Variants in SASH1 observed in about 807,000 individuals in gnomAD.
SASH1 encodes the protein SAM and SH3 domain containing 1.
SASH1 carries 44 observed loss-of-function variants against 125.2 expected under a neutral mutation model. The ratio of observed to expected loss-of-function variants is 0.35; its 90% CI spans 0.28 to 0.45. The LOEUF (loss-of-function observed/expected upper bound fraction) is 0.45. SASH1 is among the 20% of genes least tolerant of loss of function. SASH1 has a pLI of 1.00. For missense variants in SASH1, 1,426 were observed against 1,614.5 expected, an observed-to-expected ratio of 0.88 and a Z score of 2.00; for synonymous variants, 639 against 649.1, an observed-to-expected ratio of 0.98 and a Z score of 0.24.
At chr6:148,539,385 C>G (rs1782079296) in intron 16 of SASH1, among the ~76,000 whole-genome samples, 1 of 151,974 alleles carries the variant, frequency 6.6e-6, no homozygotes, top group Admixed American at 6.6e-5. Flanking sequence ...TCTCTGAAGT[C>G]CATTATATCA....
chr6:148,534,015 C>T (rs745565010), intron 15 of SASH1, 35 bp downstream of exon 15: 2 of 1,590,162 alleles, frequency 1.3e-6, no homozygotes, highest in Non-Finnish European at 1.7e-6. Flanking sequence ...CACGCTACTA[C>T]CTCACTGCCT....
chr6:148,466,818 A>G (rs774801681), intron 4 of SASH1, among the ~76,000 whole-genome samples: 1 of 151,886 alleles, frequency 6.6e-6, no homozygotes, highest in Non-Finnish European at 1.5e-5. Context: ...CCTTTGCTCT[A>G]ATTTTTTCAG....
chr6:148,546,920 C>T lies in SASH1; in HGVS notation c.3480+774C>T, dbSNP rs117698474. On this transcript the variant is annotated intron_variant, in intron 19 of 19. Coordinates refer to ENST00000367467, the MANE Select transcript of SASH1 (RefSeq NM_015278.5). ...AAATTGATATCATCAATACAGTAGT[C>T]TCCCCCTATCCATGAGGGATTATGG... is the stretch of plus-strand genomic sequence containing the variant. 5.9e-3 allele frequency among the ~76,000 whole-genome samples: 904 copies of T among 152,060 alleles called. 9 individuals carry two copies. The highest frequency in any genetic ancestry group is 0.014 in the Middle Eastern group (4 of 294).
intron 1 of SASH1, among the ~76,000 whole-genome samples, chr6:148,369,025 G>A (rs1465630412): frequency 1.3e-5 from 2 of 152,210 alleles, no homozygotes; most frequent in Non-Finnish European, 2.9e-5. Context: ...TGCCTGCCTT[G>A]TGCAACATTG....
At chr6:148,387,648 CTTTCTTTCTTTCTTTCTTTCTTTCTTTCT>C (rs1562371495) in intron 1 of SASH1, among the ~76,000 whole-genome samples, 6 of 46,986 alleles carry the variant, frequency 1.3e-4, no homozygotes, top group African/African-American at 4.7e-4. Flanking sequence ...TTCTTTCTTT[CTTTCTTTCTTTCTTTCTTTCTTTCTTTCT>C]TTCTTTCTTT....
intron 2 of SASH1, among the ~76,000 whole-genome samples, chr6:148,431,031 C>T (rs1184317950): frequency 6.6e-6 from 1 of 152,174 alleles, no homozygotes; most frequent in Non-Finnish European, 1.5e-5. Context: ...CTCCAGTCTC[C>T]CAGCTGACAG....
intron 1 of SASH1, among the ~76,000 whole-genome samples, chr6:148,297,938 T>G (rs557867058): frequency 6.6e-6 from 1 of 152,142 alleles, no homozygotes; most frequent in Non-Finnish European, 1.5e-5. Context: ...AATTTGCAGG[T>G]TTTAAGGGAA....
chr6:148,293,329 C>T (rs1437948629), intron 1 of SASH1, among the ~76,000 whole-genome samples: 3 of 152,194 alleles, frequency 2.0e-5, no homozygotes, highest in Non-Finnish European at 2.9e-5. Flanking sequence ...AGCCAGGAAT[C>T]AGCAGCCAGT....
At chr6:148,283,623 A>C (rs925513341) in intron 1 of SASH1, among the ~76,000 whole-genome samples, 6 of 152,100 alleles carry the variant, frequency 3.9e-5, no homozygotes, top group African/African-American at 1.4e-4. Flanking sequence ...AAATGCAAAA[A>C]ATTAGCTGGG....
chr6:148,522,448 T>C (rs1056567121), intron 10 of SASH1, among the ~76,000 whole-genome samples: 3 of 152,266 alleles, frequency 2.0e-5, no homozygotes, highest in Admixed American at 6.5e-5. Context: ...AAAAGTTTCC[T>C]TTATTCTTCA....
chr6:148,305,737 T>A (rs954970072), intron 1 of SASH1, among the ~76,000 whole-genome samples: 2 of 151,268 alleles, frequency 1.3e-5, no homozygotes, highest in Non-Finnish European at 2.9e-5. Context: ...AAGAGTCAAA[T>A]AAGGGGACTA....
intron 10 of SASH1, chr6:148,520,236 C>T (rs1330971722): frequency 4.1e-6 from 1 of 243,422 alleles, no homozygotes; most frequent in Non-Finnish European, 8.1e-6. Flanking sequence ...GCTAGTGCGG[C>T]CTGCCTCAGA....
intron 1 of SASH1, among the ~76,000 whole-genome samples, chr6:148,334,848 C>A (rs1781103131): frequency 6.7e-6 from 1 of 150,338 alleles, no homozygotes; most frequent in African/African-American, 2.4e-5. Context: ...GTAGCGGGAA[C>A]CTGTAATTCC....
At chr6:148,387,618 T>TC (rs1562371188) in intron 1 of SASH1, among the ~76,000 whole-genome samples, 2 of 28,176 alleles carry the variant, frequency 7.1e-5, no homozygotes, top group African/African-American at 1.5e-4. Context: ...CTTTCTTTCT[T>TC]TCTTTCTTTC....
intron 1 of SASH1, among the ~76,000 whole-genome samples, chr6:148,326,090 C>T (rs1055577564): frequency 2.0e-5 from 3 of 148,704 alleles, no homozygotes; most frequent in South Asian, 2.2e-4. Context: ...TGTAATGGCA[C>T]GATCTCCACT....
intron 4 of SASH1, among the ~76,000 whole-genome samples, chr6:148,440,900 G>A (rs981565801): frequency 6.6e-5 from 10 of 152,140 alleles, no homozygotes. Context: ...AGCGTTTCCT[G>A]TTAAAGGTAA....
At chr6:148,195,611 A>T in the SASH1 span, among the ~76,000 whole-genome samples, 7 of 152,322 alleles carry the variant, frequency 4.6e-5, no homozygotes, top group East Asian at 1.3e-3. Flanking sequence ...CAGCACTGCC[A>T]CTACATGTGT....
chr6:148,534,007 C>T (rs200354484), intron 15 of SASH1, 27 bp downstream of exon 15: 58 of 1,600,290 alleles, frequency 3.6e-5, no homozygotes, highest in Admixed American at 3.3e-5. Flanking sequence ...TCTTGTCACA[C>T]GCTACTACCT....
chr6:148,545,187 C>T (rs933856040), intron 18 of SASH1, among the ~76,000 whole-genome samples: 2 of 152,124 alleles, frequency 1.3e-5, no homozygotes, highest in African/African-American at 2.4e-5. Flanking sequence ...GTACCAAAAA[C>T]ATTTAGCTGT....
Sources: gnomAD v4.1 joint callset for allele counts (sites outside exome capture counted in the v4.1 genomes callset) on GRCh38, gnomAD v4.1.1 for gene constraint, MANE v1.5 for transcripts, NCBI Gene and HGNC (gene_info 2026-07-23, HGNC 2026-07-21) for gene names.